CD44: variants seen among roughly 807,000 people sequenced by gnomAD.
CD44 encodes the protein CD44 antigen.
In CD44, 49 loss-of-function variants were observed where a neutral mutation model predicts 88.8. The ratio of observed to expected loss-of-function variants is 0.55; its 90% CI spans 0.44 to 0.70. The LOEUF is 0.70. Among genes scored for constraint, CD44 ranks in the 30% least tolerant of loss-of-function variants. The pLI is 0.00. For missense variants in CD44, 883 were observed against 913.8 expected, an observed-to-expected ratio of 0.97 and a Z score of 0.43; for synonymous variants, 325 against 312.3, an observed-to-expected ratio of 1.04 and a Z score of -0.43.
rs74789816 is a variant in CD44 at position 35,186,758 on chromosome 11, C to G, written c.368-74C>G. On this transcript the variant is annotated intron_variant, in intron 3 of 17. Transcript: ENST00000428726. ...AAGTTATAGTAAAACTCCATTCTAA[C>G]TGACTAATAAAAATGAGGGTAGATT... 320 of 845,562 alleles carry G rather than the reference C, an allele frequency of 3.8e-4. No homozygotes were observed. In the African/African-American group the frequency reaches 4.5e-3, roughly 12 times the overall value. 52.4% of individuals were successfully genotyped at this position (845,562 alleles called of 1,614,324 possible). A position where few individuals can be genotyped will look rare whatever the true frequency, so the allele number is the denominator to read the frequency against.
At chr11:35,202,817 T>A (rs924147090) in intron 9 of CD44, among the ~76,000 whole-genome samples, 1 of 152,174 alleles carries the variant, frequency 6.6e-6, no homozygotes, top group Non-Finnish European at 1.5e-5. Flanking sequence ...AGGGGTTAAG[T>A]TAACAAAGAA....
intron 10 of CD44, chr11:35,205,898 G>T: frequency 1.7e-6 from 2 of 1,209,832 alleles, no homozygotes; most frequent in Non-Finnish European, 1.0e-6. Context: ...GTGTCCTCCA[G>T]TTCACATGCT....
At position 35,180,365 on chromosome 11, in the gene CD44, T is replaced by A; in HGVS notation, c.325T>A (p.Ser109Thr). 6.2e-7 allele frequency: 1 copy of A among 1,614,102 alleles called. No individual in the cohort carries two copies. Among genetic ancestry groups the A allele is most frequent in the South Asian group, 1.1e-5 (1 of 91,084 alleles). The change falls in exon 3 of 18, where the codon TCC becomes ACC. Residue 109 changes from serine to threonine, a missense_variant. Around this residue, in one of 2 missense-constraint regions of CD44, gnomAD observed 252 missense variants for 322.9 expected, o/e 0.78. Coordinates refer to ENST00000428726, the MANE Select transcript of CD44 (RefSeq NM_000610.4). ...CAACACAGGGGTGTACATCCTCACA[T>A]CCAACACCTCCCAGTATGACACATA... Reference protein sequence around the residue: ...ANNTGVYILTSNTSQYDTYCF... With the variant: ...ANNTGVYILTTNTSQYDTYCF...
intron 1 of CD44, among the ~76,000 whole-genome samples, chr11:35,155,248 C>T (rs1941702651): frequency 6.6e-6 from 1 of 152,180 alleles, no homozygotes; most frequent in Non-Finnish European, 1.5e-5. Flanking sequence ...GATTTGAGGT[C>T]TCACCTGTCC....
At chr11:35,195,126 A>G (rs983296465) in intron 5 of CD44, among the ~76,000 whole-genome samples, 2 of 152,180 alleles carry the variant, frequency 1.3e-5, no homozygotes, top group South Asian at 2.1e-4. Context: ...TGCAAAGTGT[A>G]TTGTTACAGG....
At chr11:35,141,487 T>A (rs1441523830) in intron 1 of CD44, among the ~76,000 whole-genome samples, 3 of 152,108 alleles carry the variant, frequency 2.0e-5, no homozygotes, top group Non-Finnish European at 4.4e-5. Flanking sequence ...GCCCTGGTGG[T>A]TTCCCTATAG....
intron 14 of CD44, 129 bp from the exon 15 acceptor site, chr11:35,214,723 T>A: frequency 2.2e-6 from 1 of 447,402 alleles, no homozygotes; most frequent in Non-Finnish European, 4.0e-6. Flanking sequence ...TGTTTTGCCA[T>A]CATTTTTTGG....
rs1229855433 is a variant in CD44 at position 35,190,005 on chromosome 11, C to A, written c.607C>A (p.Pro203Thr). ...YIFYTFSTVH[P>T]IPDEDSPWIT... Reference sequence around the variant, plus strand: ...CTTTTACACCTTTTCTACTGTACACCCCATCCCAGACGAAGACAGTCCCTG... The same window carrying A: ...CTTTTACACCTTTTCTACTGTACACACCATCCCAGACGAAGACAGTCCCTG... The change falls in exon 5 of 18, where the codon CCC becomes ACC. Residue 203 changes from proline (P) to threonine (T), a missense_variant. Around this residue, in one of 2 missense-constraint regions of CD44, gnomAD observed 252 missense variants for 322.9 expected, o/e 0.78. Coordinates refer to ENST00000428726, the MANE Select transcript of CD44 (RefSeq NM_000610.4). 1 of 1,614,024 alleles carries A rather than the reference C, an allele frequency of 6.2e-7. No homozygotes were observed. Among genetic ancestry groups the A allele is most frequent in the Non-Finnish European group, 8.5e-7 (1 of 1,180,022 alleles).
Position 35,206,175 on chromosome 11 carries a change from C to T in CD44, c.1346C>T (p.Ser449Phe), listed in dbSNP as rs570381157. 1 of 1,612,666 alleles carries T rather than the reference C, an allele frequency of 6.2e-7. No homozygotes were observed. The highest frequency in any genetic ancestry group is 2.2e-5 in the East Asian group (1 of 44,746). ...GRTTPSPEDS[S>F]WTDFFNPISH... ...ACAACACCAAGCCCAGAGGACAGTT[C>T]CTGGACTGATTTCTTCAACCCAATC... The change falls in exon 11 of 18, where the codon TCC (serine) becomes TTC (phenylalanine). Residue 449 changes from serine (S) to phenylalanine (F), a missense_variant. Coordinates refer to ENST00000428726, the MANE Select transcript of CD44 (RefSeq NM_000610.4).
intron 1 of CD44, among the ~76,000 whole-genome samples, chr11:35,140,532 T>C (rs1328809253): frequency 1.3e-5 from 2 of 152,274 alleles, no homozygotes; most frequent in East Asian, 3.9e-4. Context: ...GTATAAAGTA[T>C]CTTGAATTAC....
intron 7 of CD44, among the ~76,000 whole-genome samples, chr11:35,199,878 T>G (rs926471834): frequency 6.7e-6 from 1 of 149,872 alleles, no homozygotes; most frequent in Non-Finnish European, 1.5e-5. Flanking sequence ...CCCAAACAGA[T>G]CTACCTGTAA....
chr11:35,205,080 T>C (rs944944651), intron 10 of CD44, among the ~76,000 whole-genome samples: 3 of 152,202 alleles, frequency 2.0e-5, no homozygotes, highest in Non-Finnish European at 4.4e-5. Flanking sequence ...AGCCAGACAT[T>C]ATGTGAAAAG....
intron 16 of CD44, among the ~76,000 whole-genome samples, chr11:35,220,763 C>CTTTTTT (rs34175178): frequency 3.8e-5 from 4 of 105,198 alleles, no homozygotes; most frequent in African/African-American, 7.8e-5. Context: ...TAATATACGT[C>CTTTTTT]TTTTTTTTTT....
In CD44 at chr11:35,214,877, TGG is replaced by T; in HGVS notation, c.1841_1842del (p.Gly614ValfsTer8). The T allele has an allele frequency of 6.4e-7, 1 of 1,559,218 alleles. No individual in the cohort carries two copies. Among genetic ancestry groups the T allele is most frequent in the Non-Finnish European group, 8.7e-7 (1 of 1,152,688 alleles). Reference sequence around the variant, plus strand: ...GAGACCAAGACACATTCCACCCCAGTGGGGGGTCCCATACCACTCATGGATCT... The same window carrying T: ...GAGACCAAGACACATTCCACCCCAGTGGGGTCCCATACCACTCATGGATCT... ...SGDQDTFHPS[G>X]GSHTTHGSES... On this transcript the variant is annotated frameshift_variant, in exon 15 of 18. Coordinates refer to ENST00000428726, the MANE Select transcript of CD44 (RefSeq NM_000610.4). LOFTEE classifies it high-confidence loss of function.
At chr11:35,219,451 A>T (rs923072911) in intron 16 of CD44, 64 bp downstream of exon 16, 10 of 1,169,472 alleles carry the variant, frequency 8.6e-6, no homozygotes, top group African/African-American at 1.5e-5. Context: ...TGTCCCAGCA[A>T]GGACGAAGAG....
At position 35,186,873 on chromosome 11, in the gene CD44, A is replaced by C; in HGVS notation, c.409A>C (p.Asn137His). ...TTGTACATCAGTCACAGACCTGCCC[A>C]ATGCCTTTGATGGACCAATTACCAT... ...EDCTSVTDLP[N>H]AFDGPITITI... The change falls in exon 4 of 18, where the codon AAT (asparagine) becomes CAT (histidine). Residue 137 changes from asparagine (N) to histidine (H), a missense_variant. By Grantham distance (68) the Asn-to-His change is moderately conservative. Coordinates refer to ENST00000428726, the MANE Select transcript of CD44 (RefSeq NM_000610.4). 1 of 1,607,582 alleles carries C rather than the reference A, an allele frequency of 6.2e-7. No individual in the cohort carries two copies. Among genetic ancestry groups the C allele is most frequent in the Non-Finnish European group, 8.5e-7 (1 of 1,174,110 alleles).
chr11:35,170,466 C>T (rs1943752582), intron 1 of CD44, among the ~76,000 whole-genome samples: 1 of 152,194 alleles, frequency 6.6e-6, no homozygotes, highest in Non-Finnish European at 1.5e-5. Flanking sequence ...GCCCACAGCC[C>T]TATAGTAATG....
At chr11:35,180,548 C>A in intron 3 of CD44, 141 bp downstream of exon 3, 1 of 887,628 alleles carries the variant, frequency 1.1e-6, no homozygotes, top group Non-Finnish European at 1.8e-6. Flanking sequence ...GCCAACATTC[C>A]TGTCTCCATG....
At chr11:35,205,552 G>A (rs1947746408) in intron 10 of CD44, among the ~76,000 whole-genome samples, 1 of 151,828 alleles carries the variant, frequency 6.6e-6, no homozygotes. Context: ...CAAGGCATGT[G>A]CTGCTTTCTT....
Sources: allele counts gnomAD v4.1 joint callset (sites outside exome capture counted in the v4.1 genomes callset), GRCh38; gene constraint gnomAD v4.1.1; regional missense constraint gnomAD v4.1.1; transcripts MANE v1.5; gene names NCBI Gene and HGNC (gene_info 2026-07-23, HGNC 2026-07-21).